Variants in ATP8A2 observed in about 807,000 individuals in gnomAD.
ATP8A2 encodes the protein ATPase phospholipid transporting 8A2.
In ATP8A2, 100 loss-of-function variants were observed where a neutral mutation model predicts 165.6. The observed-to-expected ratio is 0.60, with a 90% CI of 0.51 to 0.71. ATP8A2 has a LOEUF of 0.71. Ranked by LOEUF, ATP8A2 falls within the 30% of genes least tolerant of loss-of-function variation. ATP8A2 has a pLI of 0.00. For missense variants in ATP8A2, 1,227 were observed against 1,479.5 expected, an observed-to-expected ratio of 0.83 and a Z score of 2.80; for synonymous variants, 543 against 548.8, an observed-to-expected ratio of 0.99 and a Z score of 0.15.
intron 33 of ATP8A2, among the ~76,000 whole-genome samples, chr13:25,896,899 C>T (rs1953571289): frequency 6.6e-6 from 1 of 152,158 alleles, no homozygotes; most frequent in South Asian, 2.1e-4. Flanking sequence ...GATCTTTCTC[C>T]ATCCCTTTAT....
intron 24 of ATP8A2, among the ~76,000 whole-genome samples, chr13:25,607,275 G>A (rs1286392709): frequency 1.3e-5 from 2 of 152,146 alleles, no homozygotes; most frequent in Non-Finnish European, 2.9e-5. Flanking sequence ...GGGCTGGCCA[G>A]CTCTGGCGAG....
At chr13:25,602,251 T>C (rs79613759) in intron 24 of ATP8A2, among the ~76,000 whole-genome samples, 5,954 of 152,264 alleles carry the variant, frequency 0.039, 140 homozygotes, top group Non-Finnish European at 0.053. Context: ...TAAAACATTT[T>C]TTCTTAGGGT....
intron 24 of ATP8A2, among the ~76,000 whole-genome samples, chr13:25,659,469 T>C (rs1488538843): frequency 6.6e-6 from 1 of 152,196 alleles, no homozygotes; most frequent in Non-Finnish European, 1.5e-5. Flanking sequence ...CTTTCTCCAG[T>C]ATTAACCTTA....
Position 25,968,636 on chromosome 13 carries a change from C to T in ATP8A2, c.3334C>T (p.Arg1112Ter), listed in dbSNP as rs267603791. 4 of 1,613,680 alleles carry T rather than the reference C, an allele frequency of 2.5e-6. No individual in the cohort carries two copies. The highest frequency in any genetic ancestry group is 2.2e-5 in the East Asian group (1 of 44,894). The change falls in exon 35 of 37, where the codon CGA becomes TGA. Residue 1112 changes from arginine to a stop codon, truncating the protein, a stop_gained. Transcript: ENST00000381655. LOFTEE classifies it high-confidence loss of function. ...EEVQELETKSRVLGKAVLRDS... is the reference protein window; with the variant it reads ...EEVQELETKS The stretch of plus-strand genomic sequence containing the variant: ...GGTGCAGGAGCTGGAAACCAAGTCT[C>T]GAGTCCTGGGAAAAGCGGTGCTGCG...
chr13:25,928,167 C>T (rs1190102179), intron 33 of ATP8A2, among the ~76,000 whole-genome samples: 1 of 152,204 alleles, frequency 6.6e-6, no homozygotes, highest in African/African-American at 2.4e-5. Flanking sequence ...GCCCCCTTGA[C>T]ACTCTGGGGC....
chr13:25,457,082 G>A (rs1593333784), intron 1 of ATP8A2, among the ~76,000 whole-genome samples: 1 of 152,188 alleles, frequency 6.6e-6, no homozygotes, highest in Admixed American at 6.5e-5. Context: ...TGGCTTGTGG[G>A]CCACGAGTTG....
chr13:25,990,623 C>T (rs1434257496), intron 35 of ATP8A2, among the ~76,000 whole-genome samples: 1 of 152,208 alleles, frequency 6.6e-6, no homozygotes, highest in Non-Finnish European at 1.5e-5. Flanking sequence ...TGAGAGGAAG[C>T]CAGGGTCCTT....
intron 25 of ATP8A2, among the ~76,000 whole-genome samples, chr13:25,730,670 A>G (rs2043600859): frequency 6.6e-6 from 1 of 152,166 alleles, no homozygotes; most frequent in Non-Finnish European, 1.5e-5. Flanking sequence ...TGATTGCCAT[A>G]AAGAAGGCCA....
At chr13:25,906,288 T>C (rs1464975695) in intron 33 of ATP8A2, among the ~76,000 whole-genome samples, 1 of 127,500 alleles carries the variant, frequency 7.8e-6, no homozygotes, top group African/African-American at 2.9e-5. Context: ...AACTTTCATA[T>C]CCTGTATTAC....
intron 25 of ATP8A2, among the ~76,000 whole-genome samples, chr13:25,748,258 T>C (rs1437708559): frequency 6.6e-6 from 1 of 152,240 alleles, no homozygotes; most frequent in Non-Finnish European, 1.5e-5. Flanking sequence ...CCCATGCTGT[T>C]TCATGTTGAA....
chr13:25,892,462 C>CTCTCTCTGTCTCTCTG (rs1203291066), intron 33 of ATP8A2, among the ~76,000 whole-genome samples: 1 of 148,244 alleles, frequency 6.7e-6, no homozygotes, highest in African/African-American at 2.5e-5. Flanking sequence ...ACATTTCTCT[C>CTCTCTCTGTCTCTCTG]TCTCTCTGTC....
rs371204144 is a variant in ATP8A2 at position 25,953,028 on chromosome 13, G to A, written c.3184-8547G>A. The stretch of plus-strand genomic sequence containing the variant: ...AAATTTTAGGAGGCAACACTGAGGG[G>A]CAAGGAGGGCTGAGAAGAGAAGGTG... On this transcript the variant is annotated intron_variant, in intron 33 of 36. Coordinates refer to ENST00000381655, the MANE Select transcript of ATP8A2 (RefSeq NM_016529.6). The surrounding 1 kb of genome is among the most constrained non-coding windows in gnomAD (Gnocchi z 6.7). Among the ~76,000 whole-genome samples, 9 of 152,200 alleles carry A rather than the reference G, an allele frequency of 5.9e-5. No individual in the cohort carries two copies. Among genetic ancestry groups the A allele is most frequent in the African/African-American group, 2.2e-4 (9 of 41,454 alleles).
intron 29 of ATP8A2, 138 bp downstream of exon 29, chr13:25,837,423 CCACACA>C (rs72194516): frequency 0.25 from 78,947 of 310,112 alleles, 6,390 homozygotes; most frequent in Non-Finnish European, 0.27. Flanking sequence ...CACCCCACCA[CCACACA>C]CACACACACA....
intron 25 of ATP8A2, among the ~76,000 whole-genome samples, chr13:25,749,648 G>T (rs1236555240): frequency 6.6e-6 from 1 of 152,180 alleles, no homozygotes; most frequent in Non-Finnish European, 1.5e-5. Flanking sequence ...AGGGAGATGG[G>T]AGGAATTTAA....
At chr13:25,773,736 G>A (rs76912666) in intron 26 of ATP8A2, among the ~76,000 whole-genome samples, 4,194 of 152,134 alleles carry the variant, frequency 0.028, 183 homozygotes, top group African/African-American at 0.096. Context: ...GTATTTGTAT[G>A]AGTATCTATG....
At chr13:25,729,051 C>G (rs558745217) in intron 25 of ATP8A2, among the ~76,000 whole-genome samples, 27 of 152,202 alleles carry the variant, frequency 1.8e-4, no homozygotes, top group African/African-American at 6.5e-4. Flanking sequence ...CTCTCCACCT[C>G]TCTCTCCCTT....
At chr13:25,495,441 A>C (rs1272287804) in intron 2 of ATP8A2, among the ~76,000 whole-genome samples, 5 of 151,666 alleles carry the variant, frequency 3.3e-5, no homozygotes, top group Admixed American at 6.6e-5. Context: ...CTCTCTTCCT[A>C]CCTATTTGGT....
intron 1 of ATP8A2, among the ~76,000 whole-genome samples, chr13:25,412,433 C>G (rs937557055): frequency 2.0e-5 from 3 of 152,154 alleles, no homozygotes; most frequent in Non-Finnish European, 4.4e-5. Context: ...GGGCACGCAT[C>G]TGATTGTTTG....
chr13:25,466,901 G>A (rs535071146), intron 1 of ATP8A2, among the ~76,000 whole-genome samples: 2 of 152,290 alleles, frequency 1.3e-5, no homozygotes, highest in South Asian at 4.1e-4. Flanking sequence ...TACTGTGGAG[G>A]AAGACAAGGC....
Sources: gnomAD v4.1 joint callset for allele counts (sites outside exome capture counted in the v4.1 genomes callset) on GRCh38, gnomAD v4.1.1 for gene constraint, Gnocchi (gnomAD v3.1) non-coding constraint, MANE v1.5 for transcripts, NCBI Gene and HGNC (gene_info 2026-07-23, HGNC 2026-07-21) for gene names.